The following KLHL32 variants were observed in gnomAD, a reference collection of about 807,000 sequenced individuals.
KLHL32 encodes the protein kelch like family member 32.
In KLHL32, 35 loss-of-function variants were observed where a neutral mutation model predicts 64.8. That is an observed-to-expected ratio of 0.54 (90% confidence interval 0.41 to 0.72). KLHL32 has a LOEUF of 0.72. Among genes scored for constraint, KLHL32 ranks in the 30% least tolerant of loss-of-function variants. The probability of loss-of-function intolerance (pLI) is 0.00; values close to 1 mark genes in which losing one functional copy is unlikely to be tolerated. For synonymous variants in KLHL32, 259 were observed against 281.0 expected (o/e 0.92, Z 0.78); for missense variants, 589 against 768.5 (o/e 0.77, Z 2.76).
At chr6:97,100,825 A>ACAC (rs1795616417) in intron 6 of KLHL32, among the ~76,000 whole-genome samples, 1 of 123,650 alleles carries the variant, frequency 8.1e-6, no homozygotes, top group South Asian at 2.6e-4. Flanking sequence ...TTTTTTTGAG[A>ACAC]CACGGTCTTG....
At chr6:97,065,985 AT>A (rs5878459) in intron 5 of KLHL32, among the ~76,000 whole-genome samples, 57,686 of 151,478 alleles carry the variant, frequency 0.38, 13,056 homozygotes, top group Non-Finnish European at 0.51. Context: ...ATGGTTAATG[AT>A]TTTTTTTTAC....
At chr6:96,970,339 G>A (rs191646988) in intron 2 of KLHL32, among the ~76,000 whole-genome samples, 21 of 152,262 alleles carry the variant, frequency 1.4e-4, no homozygotes, top group Middle Eastern at 3.4e-3. Context: ...TACCTGCACC[G>A]TGTTCTCCTT....
rs146296816 is a variant in KLHL32, at chr6:97,025,637, T to G, written c.205-15855T>G. Among the ~76,000 whole-genome samples the G allele has an allele frequency of 2.0e-3, 305 of 152,272 alleles. 1 individual carries two copies. Among genetic ancestry groups the G allele is most frequent in the African/African-American group, 6.8e-3 (284 of 41,562 alleles). On this transcript the variant is annotated intron_variant, in intron 3 of 10. Coordinates refer to ENST00000369261, the MANE Select transcript of KLHL32 (RefSeq NM_052904.4). ...TTGTCTTTCTTTGAATTGAAGGGCC[T>G]ACCAGTTTCCCAGTTTATCTGGCAG...
At chr6:97,137,327 G>GA (rs1023316020) in intron 10 of KLHL32, among the ~76,000 whole-genome samples, 8 of 152,132 alleles carry the variant, frequency 5.3e-5, no homozygotes, top group Non-Finnish European at 8.8e-5. Flanking sequence ...AGAGAACAGA[G>GA]AAAACGTTTG....
At chr6:96,988,841 A>G (rs1376780462) in intron 3 of KLHL32, among the ~76,000 whole-genome samples, 1 of 152,186 alleles carries the variant, frequency 6.6e-6, no homozygotes, top group African/African-American at 2.4e-5. Context: ...ATTCTCAGCA[A>G]ACTGTTGCAA....
chr6:96,925,236 C>T (rs530407290), intron 1 of KLHL32, among the ~76,000 whole-genome samples: 6 of 152,290 alleles, frequency 3.9e-5, no homozygotes, highest in Non-Finnish European at 5.9e-5. Flanking sequence ...TCTTCCCTCC[C>T]CCTGAGCCCA....
chr6:97,110,125 C>T (rs977133282), intron 6 of KLHL32, among the ~76,000 whole-genome samples: 1 of 152,214 alleles, frequency 6.6e-6, no homozygotes, highest in Non-Finnish European at 1.5e-5. Flanking sequence ...ACTGTCTCCA[C>T]TTCTGGCAGA....
intron 5 of KLHL32, among the ~76,000 whole-genome samples, chr6:97,075,046 A>C (rs1389340986): frequency 6.6e-6 from 1 of 152,102 alleles, no homozygotes; most frequent in Non-Finnish European, 1.5e-5. Context: ...TTTCCAGCTT[A>C]CTAGAGAATT....
At chr6:96,979,272 A>C (rs1403807498) in intron 3 of KLHL32, among the ~76,000 whole-genome samples, 1 of 152,130 alleles carries the variant, frequency 6.6e-6, no homozygotes, top group Admixed American at 6.5e-5. Flanking sequence ...TTATCATTTT[A>C]GGTTTTACAT....
intron 1 of KLHL32, among the ~76,000 whole-genome samples, chr6:96,947,219 A>G (rs1772024409): frequency 6.6e-6 from 1 of 152,168 alleles, no homozygotes; most frequent in Non-Finnish European, 1.5e-5. Context: ...GCAAACACCT[A>G]ACTGTAGCCA....
chr6:97,058,112 C>T (rs1788309555), intron 4 of KLHL32, among the ~76,000 whole-genome samples: 1 of 152,090 alleles, frequency 6.6e-6, no homozygotes, highest in African/African-American at 2.4e-5. Flanking sequence ...CTGTTTCTCT[C>T]TTCTTTTGCC....
At chr6:97,016,895 T>A (rs1234119733) in intron 3 of KLHL32, among the ~76,000 whole-genome samples, 1 of 152,160 alleles carries the variant, frequency 6.6e-6, no homozygotes, top group Non-Finnish European at 1.5e-5. Context: ...AGAGGCCCTA[T>A]CCCCTTCACT....
chr6:96,980,939 C>T (rs541200475), intron 3 of KLHL32, among the ~76,000 whole-genome samples: 2 of 146,192 alleles, frequency 1.4e-5, no homozygotes, highest in Admixed American at 1.4e-4. Context: ...ACAATCATGG[C>T]AGAAGGGGAA....
At chr6:96,982,152 T>C (rs1776390107) in intron 3 of KLHL32, among the ~76,000 whole-genome samples, 1 of 152,172 alleles carries the variant, frequency 6.6e-6, no homozygotes, top group East Asian at 1.9e-4. Context: ...CAGTGAGGTG[T>C]TGAAGTCTCC....
intron 6 of KLHL32, among the ~76,000 whole-genome samples, chr6:97,086,461 C>T (rs976701315): frequency 1.2e-4 from 19 of 152,276 alleles, no homozygotes; most frequent in African/African-American, 4.3e-4. Context: ...GGGTCCCAGG[C>T]TCTCTGCAAA....
intron 6 of KLHL32, among the ~76,000 whole-genome samples, chr6:97,111,076 G>C (rs1797069877): frequency 6.6e-6 from 1 of 152,174 alleles, no homozygotes; most frequent in East Asian, 1.9e-4. Context: ...CTGGGACTGG[G>C]TCCAGTCCAG....
rs77473237 is a variant in KLHL32 at position 97,076,332 on chromosome 6, G to A, written c.412-8794G>A. Among the ~76,000 whole-genome samples, 734 of 152,274 alleles carry A rather than the reference G, an allele frequency of 4.8e-3. 4 individuals carry two copies. The highest frequency in any genetic ancestry group is 0.016 in the African/African-American group (685 of 41,548). ...AGCTATAGTTTAAGTACTGTTAACAGCATTTGTAAAAGGGAGTAATGATAG... is the reference window on the plus strand; with the variant it reads ...AGCTATAGTTTAAGTACTGTTAACAACATTTGTAAAAGGGAGTAATGATAG... On this transcript the variant is annotated intron_variant, in intron 5 of 10. Transcript: ENST00000369261.
chr6:97,070,414 G>A (rs1474945072), intron 5 of KLHL32, among the ~76,000 whole-genome samples: 1 of 152,080 alleles, frequency 6.6e-6, no homozygotes, highest in Non-Finnish European at 1.5e-5. Flanking sequence ...GCTTTGAAAT[G>A]CATCATAAGA....
chr6:97,020,193 G>T (rs983621783), intron 3 of KLHL32, among the ~76,000 whole-genome samples: 2 of 144,922 alleles, frequency 1.4e-5, no homozygotes, highest in Non-Finnish European at 2.9e-5. Context: ...CACCCGCTTC[G>T]GCCTCCCAAA....
Sources: gnomAD v4.1 joint callset for allele counts (sites outside exome capture counted in the v4.1 genomes callset) on GRCh38, gnomAD v4.1.1 for gene constraint, MANE v1.5 for transcripts, NCBI Gene and HGNC (gene_info 2026-07-23, HGNC 2026-07-21) for gene names.